The following DNAH14 variants were observed in gnomAD, a reference collection of about 807,000 sequenced individuals.
DNAH14 encodes dynein axonemal heavy chain 14, also known as axonemal beta dynein heavy chain 14.
In DNAH14, 478 loss-of-function variants were observed where a neutral mutation model predicts 520.9. That is an observed-to-expected ratio of 0.92 (90% CI 0.85 to 0.99). The LOEUF is 0.99. Among genes scored for constraint, DNAH14 ranks in the 50% least tolerant of loss-of-function variants. The probability of loss-of-function intolerance (pLI) is 0.00; values close to 1 mark genes in which losing one functional copy is unlikely to be tolerated. For synonymous variants in DNAH14, 1,581 were observed against 1,757.2 expected (o/e 0.90, Z 2.51); for missense variants, 4,831 against 5,234.5 (o/e 0.92, Z 2.38).
At chr1:225,129,092 T>C (rs900392320) in intron 27 of DNAH14, among the ~76,000 whole-genome samples, 9 of 152,044 alleles carry the variant, frequency 5.9e-5, no homozygotes, top group African/African-American at 1.7e-4. Context: ...ATAGAATACC[T>C]AGGAATCCAA....
intron 21 of DNAH14, among the ~76,000 whole-genome samples, chr1:225,092,720 A>G (rs79881018): frequency 0.059 from 8,924 of 152,176 alleles, 353 homozygotes; most frequent in Non-Finnish European, 0.078. Context: ...AGCCATACAA[A>G]AGACTGAGTT....
chr1:225,152,162 A>T (rs2080562398), intron 32 of DNAH14, 89 bp downstream of exon 32: 1 of 1,119,380 alleles, frequency 8.9e-7, no homozygotes, highest in Non-Finnish European at 1.3e-6. Context: ...TGACATTTGC[A>T]TCTATCCATA....
At chr1:225,180,220 C>T (rs985951567) in intron 36 of DNAH14, among the ~76,000 whole-genome samples, 4 of 152,150 alleles carry the variant, frequency 2.6e-5, no homozygotes, top group Non-Finnish European at 4.4e-5. Context: ...CTTTCTCACT[C>T]TCTCTCGAAG....
At chr1:225,369,913 C>T (rs1195543177) in intron 77 of DNAH14, among the ~76,000 whole-genome samples, 1 of 152,108 alleles carries the variant, frequency 6.6e-6, no homozygotes, top group African/African-American at 2.4e-5. Flanking sequence ...CAGCCAGGCT[C>T]GGTGGCTCAC....
intron 21 of DNAH14, among the ~76,000 whole-genome samples, chr1:225,089,442 C>CAAAAAAAAAAAAAAA (rs1169182387): frequency 6.7e-5 from 2 of 29,896 alleles, no homozygotes; most frequent in African/African-American, 1.4e-4. Context: ...AAAACTCCGT[C>CAAAAAAAAAAAAAAA]AAAAAAAAAA....
In DNAH14 at chr1:225,000,462, A is replaced by G. The variant is rs552536952; in HGVS notation, c.831-2321A>G. On this transcript the variant is annotated intron_variant, in intron 8 of 85. Transcript: ENST00000682510. ...GAATGTTTCAGCCATTATTTCTTCA[A>G]GTATTTTTTTTTTTAGCCCTGTCTT... Among the ~76,000 whole-genome samples, 21 of 149,584 alleles carry G rather than the reference A, an allele frequency of 1.4e-4. No homozygotes were observed. In the South Asian group the frequency reaches 3.2e-3, roughly 23 times the overall value.
chr1:224,961,682 A>G (rs2060854964), intron 4 of DNAH14, among the ~76,000 whole-genome samples: 1 of 152,154 alleles, frequency 6.6e-6, no homozygotes, highest in African/African-American at 2.4e-5. Flanking sequence ...CCCACACTTG[A>G]CACATGGGGA....
Position 225,231,156 on chromosome 1 carries a change from G to A in DNAH14, c.6518+5G>A, listed in dbSNP as rs145913076. ...ATTCAAGGATATAGAAAAGAGGTCA[G>A]TTACATTCCTTCAGAAAACATGTTT... is the stretch of plus-strand genomic sequence containing the variant. On this transcript the variant is annotated splice_donor_5th_base_variant and intron_variant, in intron 42 of 85. Coordinates refer to ENST00000682510, the MANE Select transcript of DNAH14 (RefSeq NM_001367479.1). 158 of 1,532,300 alleles carry A rather than the reference G, an allele frequency of 1.0e-4. 1 individual carries two copies. In the East Asian group the frequency reaches 3.4e-3, roughly 33 times the overall value. 94.9% of individuals were successfully genotyped at this position (1,532,300 alleles called of 1,614,324 possible).
intron 38 of DNAH14, among the ~76,000 whole-genome samples, chr1:225,199,018 A>C (rs1294053978): frequency 6.6e-6 from 1 of 151,900 alleles, no homozygotes; most frequent in African/African-American, 2.4e-5. Flanking sequence ...TTTATTCTCC[A>C]TGTTTGTTAT....
intron 81 of DNAH14, among the ~76,000 whole-genome samples, chr1:225,382,549 T>A (rs544916415): frequency 1.3e-5 from 2 of 151,788 alleles, no homozygotes; most frequent in African/African-American, 2.4e-5. Context: ...CTACTAAAAA[T>A]AATAATAATA....
At chr1:225,257,343 T>C (rs2092773255) in intron 44 of DNAH14, among the ~76,000 whole-genome samples, 1 of 152,184 alleles carries the variant, frequency 6.6e-6, no homozygotes, top group Non-Finnish European at 1.5e-5. Context: ...GTGGAAATGA[T>C]TGCTTCTCCA....
intron 1 of DNAH14, among the ~76,000 whole-genome samples, chr1:224,938,718 A>G (rs1571884042): frequency 1.3e-5 from 2 of 152,358 alleles, no homozygotes; most frequent in South Asian, 2.1e-4. Flanking sequence ...GGAAATTAGT[A>G]TATCAAAGAG....
chr1:225,180,143 A>G (rs532158309), intron 36 of DNAH14, among the ~76,000 whole-genome samples: 2 of 152,114 alleles, frequency 1.3e-5, no homozygotes, highest in Non-Finnish European at 2.9e-5. Flanking sequence ...CTGGATATGT[A>G]TATCATTCTC....
chr1:225,127,388 G>C (rs2077849757), intron 27 of DNAH14, among the ~76,000 whole-genome samples: 1 of 151,806 alleles, frequency 6.6e-6, no homozygotes, highest in Non-Finnish European at 1.5e-5. Context: ...GAATCTGGGT[G>C]CTCCTGTATT....
intron 27 of DNAH14, among the ~76,000 whole-genome samples, chr1:225,128,185 T>A (rs552348716): frequency 1.3e-5 from 2 of 152,098 alleles, no homozygotes; most frequent in Non-Finnish European, 2.9e-5. Context: ...CAATTGTGTC[T>A]TGGAGTTGCT....
At chr1:225,048,323 A>C (rs1298467908) in intron 15 of DNAH14, among the ~76,000 whole-genome samples, 1 of 152,114 alleles carries the variant, frequency 6.6e-6, no homozygotes, top group African/African-American at 2.4e-5. Flanking sequence ...CAAGATGGTG[A>C]AACCCTGTCT....
At chr1:225,253,142 T>C (rs986295474) in intron 44 of DNAH14, among the ~76,000 whole-genome samples, 5 of 152,324 alleles carry the variant, frequency 3.3e-5, no homozygotes, top group East Asian at 3.9e-4. Flanking sequence ...TTTGTTTTCG[T>C]TGGAAATGCC....
chr1:225,108,060 C>G (rs2076220097), intron 23 of DNAH14, among the ~76,000 whole-genome samples: 1 of 152,188 alleles, frequency 6.6e-6, no homozygotes, highest in African/African-American at 2.4e-5. Context: ...CACCCTCAAT[C>G]TGGGTAGACA....
At chr1:225,206,596 T>C (rs1403313371) in intron 40 of DNAH14, among the ~76,000 whole-genome samples, 2 of 152,222 alleles carry the variant, frequency 1.3e-5, no homozygotes, top group African/African-American at 4.8e-5. Flanking sequence ...TAGTCTCTAT[T>C]CTCTATACAT....
Sources: gnomAD v4.1 joint callset for allele counts (sites outside exome capture counted in the v4.1 genomes callset) on GRCh38, gnomAD v4.1.1 for gene constraint, MANE v1.5 for transcripts, NCBI Gene and HGNC (gene_info 2026-07-23, HGNC 2026-07-21) for gene names.